The following CMTM8 variants were observed in gnomAD, a reference collection of about 807,000 sequenced individuals.
CMTM8 encodes CKLF like MARVEL transmembrane domain containing 8, also known as CKLF-like MARVEL transmembrane domain-containing protein 8.
CMTM8 carries 12 observed loss-of-function variants against 18.6 expected under a neutral mutation model. The observed-to-expected ratio is 0.65, with a 90% CI of 0.41 to 1.05. The LOEUF (loss-of-function observed/expected upper bound fraction) is 1.05, where lower values mean the gene tolerates loss of function less well. CMTM8 is among the 50% of genes least tolerant of loss of function. The pLI is 0.00. For synonymous variants in CMTM8, 87 were observed against 90.6 expected, an observed-to-expected ratio of 0.96 and a Z score of 0.23; for missense variants, 217 against 227.2, an observed-to-expected ratio of 0.95 and a Z score of 0.29.
chr3:32,342,618 G>A (rs900648558), intron 1 of CMTM8, among the ~76,000 whole-genome samples: 2 of 152,148 alleles, frequency 1.3e-5, no homozygotes, highest in East Asian at 1.9e-4. Flanking sequence ...GCCTGACATC[G>A]TGTTGGCATT....
At chr3:32,289,898 AGGCC>A in intron 1 of CMTM8, among the ~76,000 whole-genome samples, 1 of 152,214 alleles carries the variant, frequency 6.6e-6, no homozygotes, top group Non-Finnish European at 1.5e-5. Flanking sequence ...TAGGAGGCCG[AGGCC>A]GGTAGATTGC....
intron 1 of CMTM8, among the ~76,000 whole-genome samples, chr3:32,262,793 G>A (rs147850447): frequency 1.7e-4 from 26 of 152,108 alleles, no homozygotes; most frequent in East Asian, 5.8e-4. Flanking sequence ...TTAATCAGCC[G>A]GTCCAAATAT....
At chr3:32,270,244 C>G (rs920107719) in intron 1 of CMTM8, among the ~76,000 whole-genome samples, 4 of 152,142 alleles carry the variant, frequency 2.6e-5, no homozygotes, top group Non-Finnish European at 4.4e-5. Flanking sequence ...CATGTTCGAA[C>G]AAGTAACCAT....
chr3:32,286,745 A>G (rs1702693467), intron 1 of CMTM8, among the ~76,000 whole-genome samples: 1 of 152,012 alleles, frequency 6.6e-6, no homozygotes, highest in African/African-American at 2.4e-5. Context: ...ATACACTAAC[A>G]CTAACGGTAG....
chr3:32,364,131 G>A (rs1696986224), intron 2 of CMTM8, among the ~76,000 whole-genome samples: 1 of 152,200 alleles, frequency 6.6e-6, no homozygotes, highest in Admixed American at 6.5e-5. Context: ...CAGCACTTTA[G>A]GAGTTCAAGG....
In CMTM8 at chr3:32,357,420, C is replaced by T. The variant is rs1340712622; in HGVS notation, c.195C>T (p.Phe65=). ...VWTLIAGTEY[F]RVPAFGWVMF... is the part of the protein sequence containing the mutation. ...CGCTTATTGCTGGAACTGAGTACTT[C>T]CGGGTCCCCGCATTTGGCTGGGTCA... is the stretch of plus-strand genomic sequence containing the variant. Residue 65 remains phenylalanine, a synonymous_variant, in exon 2 of 4, where the codon TTC becomes TTT. Coordinates refer to ENST00000307526, the MANE Select transcript of CMTM8 (RefSeq NM_178868.5). 1 of 1,613,954 alleles carries T rather than the reference C, an allele frequency of 6.2e-7. No homozygotes were observed. The highest frequency in any genetic ancestry group is 1.3e-5 in the African/African-American group (1 of 74,882).
At chr3:32,348,529 C>CTTTTTTTTTT (rs56252781) in intron 1 of CMTM8, among the ~76,000 whole-genome samples, 16,512 of 101,442 alleles carry the variant, frequency 0.16, 2,732 homozygotes, top group South Asian at 0.24. Context: ...CTTCCTGGAA[C>CTTTTTTTTTT]TTTTTTTTTT....
At chr3:32,282,871 T>C (rs1243967548) in intron 1 of CMTM8, among the ~76,000 whole-genome samples, 3 of 152,170 alleles carry the variant, frequency 2.0e-5, no homozygotes, top group African/African-American at 4.8e-5. Context: ...TTTTCTCTTC[T>C]CCCTGCCTAG....
chr3:32,357,637 C>A, intron 2 of CMTM8, 91 bp downstream of exon 2: 1 of 1,319,760 alleles, frequency 7.6e-7, no homozygotes, highest in Non-Finnish European at 1.0e-6. Flanking sequence ...GTCTCTCTGC[C>A]CAGAAAAGGT....
At chr3:32,364,418 C>T (rs1696991276) in intron 2 of CMTM8, among the ~76,000 whole-genome samples, 1 of 152,080 alleles carries the variant, frequency 6.6e-6, no homozygotes, top group Non-Finnish European at 1.5e-5. Context: ...GCACGAGAAT[C>T]GCTTGAACCT....
At chr3:32,304,149 G>T (rs928836293) in intron 1 of CMTM8, among the ~76,000 whole-genome samples, 3 of 152,206 alleles carry the variant, frequency 2.0e-5, no homozygotes, top group Non-Finnish European at 4.4e-5. Flanking sequence ...GCATGTATCT[G>T]GTTGTGATCG....
intron 1 of CMTM8, among the ~76,000 whole-genome samples, chr3:32,260,447 A>T (rs1459401963): frequency 6.6e-6 from 1 of 152,214 alleles, no homozygotes; most frequent in East Asian, 1.9e-4. Context: ...TTGTTTTCAA[A>T]TGTCTACTCA....
At chr3:32,280,424 A>G (rs1186116668) in intron 1 of CMTM8, among the ~76,000 whole-genome samples, 1 of 152,106 alleles carries the variant, frequency 6.6e-6, no homozygotes, top group Non-Finnish European at 1.5e-5. Context: ...TTATTTGCAT[A>G]GGGGTATAAC....
chr3:32,319,879 C>T (rs374275977), intron 1 of CMTM8, among the ~76,000 whole-genome samples: 3 of 152,190 alleles, frequency 2.0e-5, no homozygotes, highest in African/African-American at 7.2e-5. Flanking sequence ...GGATGCTTAA[C>T]ATAAAAGTCT....
Position 32,370,039 on chromosome 3 carries a change from T to C in CMTM8, c.*72T>C. On this transcript the variant is annotated 3_prime_UTR_variant, in exon 4 of 4. Transcript: ENST00000307526. ...TGTAAAAACAGCTGTAGGTATAATG[T>C]ATATTCCCAGAGAATTGTATTTAAC... is the stretch of plus-strand genomic sequence containing the variant. 1 of 785,220 alleles carries C rather than the reference T, an allele frequency of 1.3e-6. No homozygotes were observed. The highest frequency in any genetic ancestry group is 2.1e-6 in the Non-Finnish European group (1 of 487,538). 48.6% of individuals were successfully genotyped at this position (785,220 alleles called of 1,614,324 possible).
In CMTM8 at chr3:32,359,652, C is replaced by T. The variant is rs6550117; in HGVS notation, c.321+2106C>T. Among the ~76,000 whole-genome samples, 4 of 151,426 alleles carry T rather than the reference C, an allele frequency of 2.6e-5. No individual in the cohort carries two copies. In the East Asian group the frequency reaches 7.8e-4, roughly 29 times the overall value. On this transcript the variant is annotated intron_variant, in intron 2 of 3. Coordinates refer to ENST00000307526, the MANE Select transcript of CMTM8 (RefSeq NM_178868.5). The stretch of plus-strand genomic sequence containing the variant: ...TGACCCACAGGCCATAGTTTACAGA[C>T]CTCTTGTGTTGATCATATGTAGTCT...
At position 32,238,787 on chromosome 3, in the gene CMTM8, A is replaced by G. The variant is rs974257375; in HGVS notation, c.-186A>G. On this transcript the variant is annotated 5_prime_UTR_variant, in exon 1 of 4. Coordinates refer to ENST00000307526, the MANE Select transcript of CMTM8 (RefSeq NM_178868.5). The stretch of plus-strand genomic sequence containing the variant: ...GCCCGCGCACCGAGGCGCTAGGGGC[A>G]CCGCGCACTAGAGGGACACCCGCCG... The G allele has an allele frequency of 1.1e-4, 38 of 342,222 alleles. No homozygotes were observed. The highest frequency in any genetic ancestry group is 8.2e-4 in the African/African-American group (38 of 46,074). 21.2% of individuals were successfully genotyped at this position (342,222 alleles called of 1,614,324 possible).
At chr3:32,347,806 G>A (rs546477443) in intron 1 of CMTM8, among the ~76,000 whole-genome samples, 1 of 152,212 alleles carries the variant, frequency 6.6e-6, no homozygotes, top group East Asian at 1.9e-4. Flanking sequence ...TTGTGATGGA[G>A]AAGTTCCCTA....
intron 1 of CMTM8, among the ~76,000 whole-genome samples, chr3:32,326,096 A>G (rs940113332): frequency 3.6e-4 from 55 of 152,330 alleles, no homozygotes; most frequent in Non-Finnish European, 3.1e-4. Flanking sequence ...CCAGCCTGGC[A>G]GGGCCCTCCC....
Sources: allele counts gnomAD v4.1 joint callset (sites outside exome capture counted in the v4.1 genomes callset), GRCh38; gene constraint gnomAD v4.1.1; transcripts MANE v1.5; gene names NCBI Gene and HGNC (gene_info 2026-07-23, HGNC 2026-07-21).